The following CADPS variants were observed in gnomAD, a reference collection of about 807,000 sequenced individuals.
CADPS encodes the protein calcium-dependent secretion activator 1.
CADPS carries 57 observed loss-of-function variants against 167.3 expected under a neutral mutation model. That is an observed-to-expected ratio of 0.34 (90% CI 0.28 to 0.42). The LOEUF (loss-of-function observed/expected upper bound fraction) is 0.42, where lower values mean the gene tolerates loss of function less well. Among genes scored for constraint, CADPS ranks in the 20% least tolerant of loss-of-function variants. The pLI is 1.00. For synonymous variants in CADPS, 676 were observed against 635.3 expected (o/e 1.06, Z -0.96); for missense variants, 1,414 against 1,738.1 (o/e 0.81, Z 3.32).
At chr3:62,498,578 A>G (rs2065192221) in intron 18 of CADPS, among the ~76,000 whole-genome samples, 1 of 152,166 alleles carries the variant, frequency 6.6e-6, no homozygotes, top group South Asian at 2.1e-4. Flanking sequence ...TATTATCAAA[A>G]GGATCATTTT....
intron 3 of CADPS, among the ~76,000 whole-genome samples, chr3:62,725,288 T>C (rs1261875991): frequency 6.6e-6 from 1 of 152,250 alleles, no homozygotes; most frequent in African/African-American, 2.4e-5. Context: ...GATAGAGGAA[T>C]TACTTTCTAT....
intron 7 of CADPS, among the ~76,000 whole-genome samples, chr3:62,588,913 TA>T (rs1266619157): frequency 1.3e-5 from 2 of 152,216 alleles, no homozygotes; most frequent in African/African-American, 4.8e-5. Context: ...CATATGTGCT[TA>T]TATACGCTAT....
intron 21 of CADPS, among the ~76,000 whole-genome samples, chr3:62,490,755 G>T (rs1427552178): frequency 6.6e-6 from 1 of 152,270 alleles, no homozygotes; most frequent in African/African-American, 2.4e-5. Context: ...TTAAAAAGGT[G>T]CATCTAAAAG....
At chr3:62,511,486 A>T (rs185062258) in intron 17 of CADPS, among the ~76,000 whole-genome samples, 540 of 152,258 alleles carry the variant, frequency 3.5e-3, no homozygotes, top group Non-Finnish European at 5.7e-3. Flanking sequence ...GAGGAGAAAT[A>T]AGTTAATAAT....
intron 1 of CADPS, among the ~76,000 whole-genome samples, chr3:62,799,473 A>T (rs1371349859): frequency 1.3e-5 from 2 of 152,118 alleles, no homozygotes; most frequent in Admixed American, 6.6e-5. Context: ...TCCTAAATTT[A>T]TCTCTATTTT....
At chr3:62,799,245 G>A (rs1230503201) in intron 1 of CADPS, among the ~76,000 whole-genome samples, 1 of 152,134 alleles carries the variant, frequency 6.6e-6, no homozygotes, top group Admixed American at 6.6e-5. Context: ...AGACCCAAAT[G>A]AGGGGGTTAC....
chr3:62,618,569 A>C (rs1457940178), intron 6 of CADPS, among the ~76,000 whole-genome samples: 1 of 152,162 alleles, frequency 6.6e-6, no homozygotes, highest in Non-Finnish European at 1.5e-5. Flanking sequence ...AGCCCCGCCT[A>C]TCCGTATTTC....
At chr3:62,709,580 G>A (rs1339138760) in intron 3 of CADPS, among the ~76,000 whole-genome samples, 3 of 151,982 alleles carry the variant, frequency 2.0e-5, no homozygotes, top group South Asian at 2.1e-4. Context: ...CCTACTATGC[G>A]TTAGGCATAT....
intron 28 of CADPS, among the ~76,000 whole-genome samples, chr3:62,424,189 A>C (rs1316600997): frequency 3.4e-5 from 5 of 148,280 alleles, no homozygotes; most frequent in Non-Finnish European, 7.4e-5. Context: ...TGGATAATTC[A>C]CTTTTTTTTT....
intron 1 of CADPS, among the ~76,000 whole-genome samples, chr3:62,774,081 G>C (rs1003707929): frequency 2.0e-5 from 3 of 151,964 alleles, no homozygotes; most frequent in Admixed American, 6.6e-5. Context: ...TTATCTAGCA[G>C]AAGAGGAAAA....
chr3:62,835,672 G>A (rs1412709870), intron 1 of CADPS, among the ~76,000 whole-genome samples: 1 of 152,060 alleles, frequency 6.6e-6, no homozygotes, highest in East Asian at 1.9e-4. Flanking sequence ...TCACAGAAGG[G>A]GCAAAAATTG....
intron 27 of CADPS, among the ~76,000 whole-genome samples, chr3:62,443,402 T>G (rs1309903218): frequency 6.6e-6 from 1 of 152,232 alleles, no homozygotes; most frequent in Non-Finnish European, 1.5e-5. Flanking sequence ...CATCAACTTC[T>G]TCTGCCCTCC....
intron 17 of CADPS, among the ~76,000 whole-genome samples, chr3:62,505,657 G>C (rs537867654): frequency 2.6e-4 from 39 of 152,322 alleles, no homozygotes; most frequent in Middle Eastern, 3.4e-3. Flanking sequence ...ACCTTTGAGA[G>C]CTTCCCTTCA....
intron 1 of CADPS, among the ~76,000 whole-genome samples, chr3:62,793,747 ATGTG>A (rs1195931503): frequency 1.3e-5 from 2 of 152,168 alleles, no homozygotes; most frequent in African/African-American, 4.8e-5. Context: ...TATGGTATGA[ATGTG>A]TGTGTGCGCA....
intron 2 of CADPS, among the ~76,000 whole-genome samples, chr3:62,758,385 A>T (rs2084528306): frequency 6.6e-6 from 1 of 152,234 alleles, no homozygotes; most frequent in Non-Finnish European, 1.5e-5. Flanking sequence ...GTAAAGATGA[A>T]TTGCCCAATG....
chr3:62,595,939 C>T (rs1427322121), intron 6 of CADPS, among the ~76,000 whole-genome samples: 2 of 152,130 alleles, frequency 1.3e-5, no homozygotes, highest in Admixed American at 6.5e-5. Context: ...ATGCTGGATG[C>T]TTCTTGCCCT....
chr3:62,851,443 T>G (rs2078565526), intron 1 of CADPS, among the ~76,000 whole-genome samples: 1 of 148,804 alleles, frequency 6.7e-6, no homozygotes, highest in Non-Finnish European at 1.5e-5. Flanking sequence ...TAGCGCTTCC[T>G]TCAGGAGCTC....
At chr3:62,788,616 G>C (rs574252284) in intron 1 of CADPS, among the ~76,000 whole-genome samples, 27 of 152,238 alleles carry the variant, frequency 1.8e-4, no homozygotes, top group Admixed American at 1.4e-3. Flanking sequence ...TCCTGTTTTA[G>C]CTTTTGATGT....
At chr3:62,745,000 A>G (rs2081143474) in intron 3 of CADPS, among the ~76,000 whole-genome samples, 1 of 152,232 alleles carries the variant, frequency 6.6e-6, no homozygotes, top group African/African-American at 2.4e-5. Context: ...GCTCTGGGAA[A>G]TTAAATATTG....
Sources: allele counts gnomAD v4.1 joint callset (sites outside exome capture counted in the v4.1 genomes callset), GRCh38; gene constraint gnomAD v4.1.1; transcripts MANE v1.5; gene names NCBI Gene and HGNC (gene_info 2026-07-23, HGNC 2026-07-21).